Variants in NR4A1 observed in about 807,000 individuals in gnomAD.
The protein encoded by NR4A1 is nuclear receptor subfamily 4 group A member 1.
NR4A1 carries 24 observed loss-of-function variants against 47.5 expected under a neutral mutation model. That is an observed-to-expected ratio of 0.50 (90% confidence interval 0.37 to 0.71). The LOEUF is 0.71. Ranked by LOEUF, NR4A1 falls within the 30% of genes least tolerant of loss-of-function variation. NR4A1 has a pLI of 0.00. For synonymous variants in NR4A1, 353 were observed against 345.7 expected, an observed-to-expected ratio of 1.02 and a Z score of -0.24; for missense variants, 669 against 788.6, an observed-to-expected ratio of 0.85 and a Z score of 1.82.
At chr12:52,030,617 C>T (rs1300995056) in intron 1 of NR4A1, among the ~76,000 whole-genome samples, 5 of 151,978 alleles carry the variant, frequency 3.3e-5, no homozygotes, top group South Asian at 2.1e-4. Context: ...TTAGTAGAGA[C>T]GGGGTTTCAT....
rs111547428 is a variant in NR4A1, at chr12:52,059,157, C to T, written c.*213C>T. On this transcript the variant is annotated 3_prime_UTR_variant, in exon 7 of 7. Transcript: ENST00000394825. ...ACCCCACGATTTGTCTTATCCCCCCCAGCCTGGCCCCGGCCTTTATGTTTT... is the reference window on the plus strand; with the variant it reads ...ACCCCACGATTTGTCTTATCCCCCCTAGCCTGGCCCCGGCCTTTATGTTTT... 4 of 612,314 alleles carry T rather than the reference C, an allele frequency of 6.5e-6. No homozygotes were observed. Among genetic ancestry groups the T allele is most frequent in the Admixed American group, 6.7e-5 (2 of 30,018 alleles). The allele number at this position is 612,314 out of a possible 1,614,324, so 37.9% of individuals were successfully genotyped here.
intron 1 of NR4A1, among the ~76,000 whole-genome samples, chr12:52,034,043 A>G (rs1183261203): frequency 6.6e-6 from 1 of 152,150 alleles, no homozygotes. Flanking sequence ...GGCCACTGAG[A>G]GTCTGGCTTA....
At chr12:52,047,371 G>A (rs186511210), upstream of NR4A1, among the ~76,000 whole-genome samples, 22 of 152,326 alleles carry the variant, frequency 1.4e-4, no homozygotes, top group East Asian at 4.3e-3. Flanking sequence ...TCCCTTGAGG[G>A]CCCACAAGGC....
At chr12:52,051,995 GCC>G (rs1938984154) in intron 1 of NR4A1, among the ~76,000 whole-genome samples, 1 of 152,122 alleles carries the variant, frequency 6.6e-6, no homozygotes, top group African/African-American at 2.4e-5. Flanking sequence ...TTTCCAAAAG[GCC>G]CTCCTTCCTC....
chr12:52,050,317 C>T (rs536110504), upstream of NR4A1, among the ~76,000 whole-genome samples: 2 of 152,190 alleles, frequency 1.3e-5, no homozygotes, highest in South Asian at 2.1e-4. Context: ...GCTGGGAGGG[C>T]CGGTGCTCCC....
At position 52,056,058 on chromosome 12, in the gene NR4A1, T is replaced by C; in HGVS notation, c.905T>C (p.Ile302Thr). ...KRTVQKNAKY[I>T]CLANKDCPVD... Reference sequence around the variant, plus strand: ...ACAGTGCAGAAAAACGCCAAGTACATCTGCCTGGCTAACAAGGACTGCCCT... The same window carrying C: ...ACAGTGCAGAAAAACGCCAAGTACACCTGCCTGGCTAACAAGGACTGCCCT... Residue 302 changes from isoleucine (I) to threonine (T), a missense_variant, in exon 3 of 7, where the codon ATC (isoleucine) becomes ACC (threonine). Ile to Thr is a moderately conservative substitution (Grantham distance 89). Transcript: ENST00000394825. 7.3e-7 allele frequency: 1 copy of C among 1,364,208 alleles called. No homozygotes were observed. Among genetic ancestry groups the C allele is most frequent in the South Asian group, 1.2e-5 (1 of 86,538 alleles). 84.5% of individuals were successfully genotyped at this position (1,364,208 alleles called of 1,614,324 possible).
intron 1 of NR4A1, among the ~76,000 whole-genome samples, chr12:52,032,023 C>A (rs1036784702): frequency 6.6e-6 from 1 of 151,908 alleles, no homozygotes; most frequent in African/African-American, 2.4e-5. Context: ...CTGGAACTCC[C>A]GGCCTCAAGT....
Position 52,054,671 on chromosome 12 carries a change from C to G in NR4A1, c.343C>G (p.Pro115Ala). The change falls in exon 2 of 7, where the codon CCC becomes GCC. Residue 115 changes from proline to alanine, a missense_variant. Pro to Ala is a conservative substitution (Grantham distance 27). Transcript: ENST00000394825. ...DFQVYGCYPG[P>A]LSGPVDEALS... is the part of the protein sequence containing the mutation. ...CCAGGTGTACGGCTGCTACCCCGGC[C>G]CCCTGAGCGGCCCAGTGGATGAGGC... is the stretch of plus-strand genomic sequence containing the variant. 6.2e-7 allele frequency: 1 copy of G among 1,614,082 alleles called. No homozygotes were observed. The highest frequency in any genetic ancestry group is 1.7e-5 in the Admixed American group (1 of 60,024).
chr12:52,027,088 T>C (rs561632971), intron 1 of NR4A1, among the ~76,000 whole-genome samples: 5 of 152,308 alleles, frequency 3.3e-5, no homozygotes, highest in Non-Finnish European at 5.9e-5. Flanking sequence ...CAAATCTCCA[T>C]AGGGAGACTA....
At chr12:52,058,152 C>G (rs1424897397) in intron 6 of NR4A1, among the ~76,000 whole-genome samples, 1 of 152,220 alleles carries the variant, frequency 6.6e-6, no homozygotes, top group African/African-American at 2.4e-5. Flanking sequence ...CAGTGCAGAT[C>G]AGATTGGTTG....
intron 2 of NR4A1, chr12:52,043,515 C>T (rs780593005): frequency 6.5e-5 from 22 of 341,034 alleles, no homozygotes; most frequent in East Asian, 1.8e-4. Context: ...GGTCTTGTGA[C>T]GTGGGCACCT....
intron 1 of NR4A1, among the ~76,000 whole-genome samples, chr12:52,025,933 C>T (rs1937991479): frequency 6.6e-6 from 1 of 152,230 alleles, no homozygotes; most frequent in Non-Finnish European, 1.5e-5. Flanking sequence ...TGTGGGCGCT[C>T]CCACAGCTGG....
rs775662036 is a variant in NR4A1, at chr12:52,058,683, C to A, written c.1541-5C>A. 1.9e-6 allele frequency: 3 copies of A among 1,594,498 alleles called. No individual in the cohort carries two copies. The highest frequency in any genetic ancestry group is 4.6e-5 in the East Asian group (2 of 43,774). On this transcript the variant is annotated splice_polypyrimidine_tract_variant and splice_region_variant and intron_variant, in intron 6 of 6. Coordinates refer to ENST00000394825, the MANE Select transcript of NR4A1 (RefSeq NM_173157.3). ...TGTACAGCTAATCCTGTACCCTTCC[C>A]GCAGACCGGCATGGGCTGCAGGAGC...
chr12:52,043,113 G>A (rs1052222586), intron 2 of NR4A1, among the ~76,000 whole-genome samples: 1 of 152,190 alleles, frequency 6.6e-6, no homozygotes, highest in Non-Finnish European at 1.5e-5. Context: ...CTGGGGGCAG[G>A]GCTGGGTGTG....
At chr12:52,039,907 T>G (rs1327295895) in intron 1 of NR4A1, among the ~76,000 whole-genome samples, 1 of 151,860 alleles carries the variant, frequency 6.6e-6, no homozygotes. Context: ...AGGCCCTGAG[T>G]GGGGAGAGAA....
At chr12:52,040,453 A>C (rs1938391346) in intron 1 of NR4A1, among the ~76,000 whole-genome samples, 2 of 152,114 alleles carry the variant, frequency 1.3e-5, no homozygotes, top group Non-Finnish European at 2.9e-5. Flanking sequence ...GGGAAACTAC[A>C]GACCAGTTTC....
At chr12:52,057,672 G>A (rs1340318487) in intron 6 of NR4A1, 142 bp downstream of exon 6, 3 of 898,514 alleles carry the variant, frequency 3.3e-6, no homozygotes, top group Non-Finnish European at 5.0e-6. Flanking sequence ...GCTCATGCCA[G>A]CAGTAAAGTA....
Position 52,059,190 on chromosome 12 carries a change from A to G in NR4A1, c.*246A>G. ...CCCCGGCCTTTATGTTTTTTGTAAGATAAACCGTTTTTAACACATAGCGCC... is the reference window on the plus strand; with the variant it reads ...CCCCGGCCTTTATGTTTTTTGTAAGGTAAACCGTTTTTAACACATAGCGCC... On this transcript the variant is annotated 3_prime_UTR_variant, in exon 7 of 7. Transcript: ENST00000394825. The G allele has an allele frequency of 1.8e-6, 1 of 550,276 alleles. No individual in the cohort carries two copies. Among genetic ancestry groups the G allele is most frequent in the Non-Finnish European group, 3.2e-6 (1 of 314,920 alleles). The allele number at this position is 550,276 out of a possible 1,614,324, so 34.1% of individuals were successfully genotyped here.
At chr12:52,031,090 G>A (rs1394497289) in intron 1 of NR4A1, among the ~76,000 whole-genome samples, 5 of 152,018 alleles carry the variant, frequency 3.3e-5, no homozygotes, top group East Asian at 3.9e-4. Flanking sequence ...GTCACAGCTC[G>A]CTACAGCCTC....
Sources: allele counts gnomAD v4.1 joint callset (sites outside exome capture counted in the v4.1 genomes callset), GRCh38; gene constraint gnomAD v4.1.1; transcripts MANE v1.5; gene names NCBI Gene and HGNC (gene_info 2026-07-23, HGNC 2026-07-21).